RBM4: variants seen among roughly 807,000 people sequenced by gnomAD.
RBM4 encodes the protein RNA-binding protein 4.
RBM4 carries 7 observed loss-of-function variants against 29.5 expected under a neutral mutation model. The observed-to-expected ratio is 0.24, with a 90% CI of 0.14 to 0.45. RBM4 has a LOEUF of 0.45. Ranked by LOEUF, RBM4 falls within the 20% of genes least tolerant of loss-of-function variation. The pLI is 1.00. For synonymous variants in RBM4, 220 were observed against 205.4 expected (o/e 1.07, Z -0.61); for missense variants, 387 against 502.3 (o/e 0.77, Z 2.19).
rs1183169138 is a variant in RBM4, at chr11:66,643,528, G to A, written c.491G>A (p.Arg164Gln). 1.2e-6 allele frequency: 2 copies of A among 1,614,122 alleles called. No homozygotes were observed. The highest frequency in any genetic ancestry group is 1.7e-6 in the Non-Finnish European group (2 of 1,180,026). The change falls in exon 3 of 4, where the codon CGG becomes CAG. Residue 164 changes from arginine (R) to glutamine (Q), a missense_variant. Arg to Gln is a conservative substitution (Grantham distance 43, BLOSUM62 1). Around this residue, in one of 2 missense-constraint regions of RBM4, gnomAD observed 281 missense variants for 288.7 expected, o/e 0.97. Coordinates refer to ENST00000310092, the MANE Select transcript of RBM4 (RefSeq NM_002896.4). The surrounding 1 kb of genome is among the most constrained non-coding windows in gnomAD (Gnocchi z 6.1). ...ATGGGAGACCAGAGCGGCTGCTATC[G>A]GTGCGGGAAAGAGGGGCACTGGTCC... ...PGMGDQSGCY[R>Q]CGKEGHWSKE...
intron 2 of RBM4, among the ~76,000 whole-genome samples, chr11:66,656,960 CCA>C (rs1938962019): frequency 6.6e-6 from 1 of 152,088 alleles, no homozygotes; most frequent in African/African-American, 2.4e-5. Context: ...GCCACCATGC[CCA>C]GTTTGACAAT....
chr11:66,665,479 T>G (rs113448159), intron 2 of RBM4: 4 of 896,356 alleles, frequency 4.5e-6, no homozygotes, highest in African/African-American at 1.7e-5. Flanking sequence ...TTTTGTTTAC[T>G]GAAACATGAA....
intron 2 of RBM4, among the ~76,000 whole-genome samples, chr11:66,656,401 A>G (rs1375519749): frequency 1.3e-5 from 2 of 151,962 alleles, no homozygotes; most frequent in Non-Finnish European, 2.9e-5. Context: ...CGGCCTCCCA[A>G]AGTGCTGGGA....
At chr11:66,655,191 G>C (rs1345947223) in intron 2 of RBM4, among the ~76,000 whole-genome samples, 2 of 152,072 alleles carry the variant, frequency 1.3e-5, no homozygotes, top group Non-Finnish European at 2.9e-5. Flanking sequence ...TCACCATGTT[G>C]GCCCTGCTGG....
exon 3 of RBM4, chr11:66,668,340 A>C (rs988942393): frequency 5.5e-6 from 2 of 361,292 alleles, no homozygotes; most frequent in South Asian, 5.9e-5. Context: ...CTGTAACCCA[A>C]ATATGCTTAC....
At position 66,665,854 on chromosome 11, in the gene RBM4, A is replaced by G. The variant is rs1389238050; in HGVS notation, c.413-2A>G. The G allele has an allele frequency of 1.3e-6, 2 of 1,527,240 alleles. No individual in the cohort carries two copies. Among genetic ancestry groups the G allele is most frequent in the African/African-American group, 1.4e-5 (1 of 72,642 alleles). The allele number at this position is 1,527,240 out of a possible 1,614,324, so 94.6% of individuals were successfully genotyped here. A position where few individuals can be genotyped will look rare whatever the true frequency, so the allele number is the denominator to read the frequency against. ...AATACATCTTTCTTATCCATCTTTT[A>G]GGCAAGATAACCCCTGTGACAGAAG... On this transcript the variant is annotated splice_acceptor_variant, in intron 2 of 2. Transcript: ENST00000396053. LOFTEE classifies it high-confidence loss of function.
chr11:66,648,192 A>C (rs992042761), downstream of RBM4, among the ~76,000 whole-genome samples: 47 of 152,114 alleles, frequency 3.1e-4, no homozygotes, highest in African/African-American at 1.1e-3. Context: ...GGCAATGAGC[A>C]AAACTCCTCA....
At chr11:66,663,229 G>A (rs1939118687) in intron 2 of RBM4, among the ~76,000 whole-genome samples, 2 of 152,150 alleles carry the variant, frequency 1.3e-5, no homozygotes, top group Non-Finnish European at 2.9e-5. Context: ...ACTGCAAAAT[G>A]TCACTGCTAA....
chr11:66,665,860 G>A, exon 3 of RBM4: 1 of 1,531,184 alleles, frequency 6.5e-7, no homozygotes, highest in Non-Finnish European at 8.7e-7. Flanking sequence ...TTTTAGGCAA[G>A]ATAACCCCTG....
intron 2 of RBM4, among the ~76,000 whole-genome samples, chr11:66,655,647 C>G (rs1213031036): frequency 6.6e-6 from 1 of 152,194 alleles, no homozygotes. Context: ...CAACAGGTAT[C>G]TGGGGGAAAA....
chr11:66,647,842 G>A (rs1470615331), downstream of RBM4, among the ~76,000 whole-genome samples: 1 of 152,230 alleles, frequency 6.6e-6, no homozygotes. Context: ...GGGATGGTCA[G>A]TGAAGGATTT....
chr11:66,653,218 C>T (rs1044527415), intron 2 of RBM4, among the ~76,000 whole-genome samples: 4 of 152,110 alleles, frequency 2.6e-5, no homozygotes, highest in African/African-American at 9.7e-5. Flanking sequence ...TTGAACTGTG[C>T]AGGTTCACTA....
rs745882880 is a variant in RBM4 at position 66,643,649 on chromosome 11, C to A, written c.612C>A (p.Ser204Arg). 1 of 1,614,170 alleles carries A rather than the reference C, an allele frequency of 6.2e-7. No homozygotes were observed. The highest frequency in any genetic ancestry group is 1.7e-5 in the Admixed American group (1 of 60,026). Residue 204 changes from serine (S) to arginine (R), a missense_variant, in exon 3 of 4, where the codon AGC becomes AGA. Physicochemically the swap from Ser to Arg is moderately radical, Grantham distance 110 (BLOSUM62 -1). This residue lies in a region of RBM4 where 281 missense variants were observed against 288.7 expected (regional missense o/e 0.97). Transcript: ENST00000310092. The surrounding 1 kb of genome is among the most constrained non-coding windows in gnomAD (Gnocchi z 6.1). ...YGAVRTPYTM[S>R]YGDSLYYNNA... ...CAGTGCGTACGCCTTACACCATGAG[C>A]TATGGGGATTCATTGTATTACAACA...
In RBM4 at chr11:66,643,683, G is replaced by C; in HGVS notation, c.646G>C (p.Gly216Arg). ...GDSLYYNNAY[G>R]ALDAYYKRCR... Reference sequence around the variant, plus strand: ...TTCATTGTATTACAACAACGCGTACGGAGCGCTCGATGCCTACTACAAGCG... The same window carrying C: ...TTCATTGTATTACAACAACGCGTACCGAGCGCTCGATGCCTACTACAAGCG... Residue 216 changes from glycine (G) to arginine (R), a missense_variant, in exon 3 of 4, where the codon GGA becomes CGA. Gly to Arg is a moderately radical substitution (Grantham distance 125). This residue lies in a region of RBM4 where 281 missense variants were observed against 288.7 expected (regional missense o/e 0.97). Transcript: ENST00000310092. This position sits in a 1 kb window ranked among gnomAD's most constrained non-coding sequence, Gnocchi z 6.1. The C allele has an allele frequency of 6.2e-7, 1 of 1,614,114 alleles. No homozygotes were observed. The highest frequency in any genetic ancestry group is 8.5e-7 in the Non-Finnish European group (1 of 1,180,026).
chr11:66,640,935 A>C (rs1406807865), intron 2 of RBM4: 1 of 152,214 alleles, frequency 6.6e-6, no homozygotes, highest in African/African-American at 2.4e-5. Flanking sequence ...CTCAAAGGAA[A>C]TGCTTGTTAG....
chr11:66,647,461 G>A (rs1237732795), downstream of RBM4, among the ~76,000 whole-genome samples: 2 of 152,158 alleles, frequency 1.3e-5, no homozygotes, highest in Non-Finnish European at 2.9e-5. Context: ...CCTGTGCTGG[G>A]TGTTTCGTGT....
chr11:66,663,433 C>T (rs555891360), intron 2 of RBM4, among the ~76,000 whole-genome samples: 4 of 152,202 alleles, frequency 2.6e-5, no homozygotes, highest in South Asian at 4.2e-4. Context: ...GGCGTGATCT[C>T]GGCTCAGTGC....
intron 2 of RBM4, among the ~76,000 whole-genome samples, chr11:66,654,605 TA>T (rs1271524764): frequency 1.3e-5 from 2 of 151,634 alleles, no homozygotes; most frequent in East Asian, 3.9e-4. Context: ...AGGCTGAAGC[TA>T]TCCTCTCGCC....
At chr11:66,660,349 C>CTCT (rs747992339) in intron 2 of RBM4, among the ~76,000 whole-genome samples, 140 of 145,268 alleles carry the variant, frequency 9.6e-4, no homozygotes, top group Admixed American at 1.5e-3. Context: ...ATGGGAGTCT[C>CTCT]TCTTTTTTTT....
Sources: gnomAD v4.1 joint callset for allele counts (sites outside exome capture counted in the v4.1 genomes callset) on GRCh38, gnomAD v4.1.1 for gene constraint, gnomAD v4.1.1 regional missense constraint, Gnocchi (gnomAD v3.1) non-coding constraint, MANE v1.5 for transcripts, NCBI Gene and HGNC (gene_info 2026-07-23, HGNC 2026-07-21) for gene names.